ABLIM3: variants seen among roughly 807,000 people sequenced by gnomAD.
The protein encoded by ABLIM3 is actin binding LIM protein family member 3, also known as actin-binding LIM protein 3.
Under a neutral mutation model 109.5 loss-of-function variants are expected in ABLIM3, and 61 were observed. The ratio of observed to expected loss-of-function variants is 0.56; its 90% CI spans 0.45 to 0.69. The LOEUF (loss-of-function observed/expected upper bound fraction) is 0.69, where lower values mean the gene tolerates loss of function less well. Among genes scored for constraint, ABLIM3 ranks in the 30% least tolerant of loss-of-function variants. The pLI is 0.00. For missense variants in ABLIM3, 796 were observed against 889.5 expected (o/e 0.89, Z 1.34); for synonymous variants, 300 against 324.8 (o/e 0.92, Z 0.82).
chr5:149,192,492 A>ACGGGG (rs1052960581), intron 3 of ABLIM3, among the ~76,000 whole-genome samples: 1 of 149,924 alleles, frequency 6.7e-6, no homozygotes, highest in Non-Finnish European at 1.5e-5. Flanking sequence ...CACTCCACCT[A>ACGGGG]CGGGGCGCCT....
At position 149,208,281 on chromosome 5, in the gene ABLIM3, G is replaced by A. The variant is rs1759190365; in HGVS notation, c.575+1147G>A. On this transcript the variant is annotated intron_variant, in intron 6 of 23. Transcript: ENST00000309868. ...CAGAGGCACACTGGCTTCAGACATG[G>A]AGGAATCCAGGGGCTTAAGGATGTC... 2.0e-5 allele frequency among the ~76,000 whole-genome samples: 3 copies of A among 152,208 alleles called. 1 individual carries two copies. The highest frequency in any genetic ancestry group is 4.4e-5 in the Non-Finnish European group (3 of 68,042).
intron 10 of ABLIM3, among the ~76,000 whole-genome samples, chr5:149,236,678 G>A (rs1752225739): frequency 6.6e-6 from 1 of 152,152 alleles, no homozygotes; most frequent in Non-Finnish European, 1.5e-5. Flanking sequence ...CTTTCTGAAT[G>A]CAGCCTTCTG....
At chr5:149,252,365 G>T in intron 22 of ABLIM3, 157 bp downstream of exon 22, 1 of 754,982 alleles carries the variant, frequency 1.3e-6, no homozygotes, top group African/African-American at 1.8e-5. Flanking sequence ...GTCCCTTCTT[G>T]GCCCACTTTT....
intron 7 of ABLIM3, among the ~76,000 whole-genome samples, chr5:149,212,271 C>T (rs1445570579): frequency 6.6e-6 from 1 of 152,052 alleles, no homozygotes; most frequent in Admixed American, 6.5e-5. Context: ...TTAAGCATCT[C>T]GAGAGCTGTA....
At chr5:149,234,265 C>T (rs1762139333) in intron 10 of ABLIM3, among the ~76,000 whole-genome samples, 1 of 152,150 alleles carries the variant, frequency 6.6e-6, no homozygotes, top group Admixed American at 6.5e-5. Flanking sequence ...AGGTGGGAAA[C>T]GCAGAGCCAG....
chr5:149,197,569 TA>T (rs776784937), intron 3 of ABLIM3, among the ~76,000 whole-genome samples: 8 of 152,142 alleles, frequency 5.3e-5, no homozygotes, highest in Non-Finnish European at 1.2e-4. Context: ...CCCCACTCCT[TA>T]TGGCTATGGT....
intron 3 of ABLIM3, among the ~76,000 whole-genome samples, chr5:149,186,338 C>T (rs543587302): frequency 2.0e-4 from 31 of 152,022 alleles, no homozygotes; most frequent in African/African-American, 5.1e-4. Context: ...CGCTTGAAGC[C>T]GGGAGGTGGA....
chr5:149,242,181 T>C (rs1328534592), intron 14 of ABLIM3, among the ~76,000 whole-genome samples: 1 of 152,168 alleles, frequency 6.6e-6, no homozygotes, highest in Non-Finnish European at 1.5e-5. Context: ...CCTTCCTGCA[T>C]GGGGCTCTGC....
intron 23 of ABLIM3, among the ~76,000 whole-genome samples, chr5:149,257,276 G>A (rs916281604): frequency 6.6e-6 from 1 of 151,196 alleles, no homozygotes; most frequent in African/African-American, 2.4e-5. Flanking sequence ...CTGCAGCCTG[G>A]GTGACAAAGC....
At chr5:149,150,621 C>G (rs1753342911) in intron 2 of ABLIM3, among the ~76,000 whole-genome samples, 1 of 152,224 alleles carries the variant, frequency 6.6e-6, no homozygotes, top group South Asian at 2.1e-4. Flanking sequence ...CTTTATCTTG[C>G]TGAGATAGCA....
chr5:149,230,180 A>G (rs1332055748), intron 8 of ABLIM3, among the ~76,000 whole-genome samples: 1 of 152,180 alleles, frequency 6.6e-6, no homozygotes, highest in Non-Finnish European at 1.5e-5. Flanking sequence ...TCACCCCACA[A>G]ACATGTACGG....
chr5:149,186,634 A>C (rs995005870), intron 3 of ABLIM3, among the ~76,000 whole-genome samples: 1 of 152,172 alleles, frequency 6.6e-6, no homozygotes, highest in African/African-American at 2.4e-5. Flanking sequence ...GAGGAACTCA[A>C]CTTTATTCCA....
chr5:149,166,268 A>T (rs1754815969), intron 2 of ABLIM3, among the ~76,000 whole-genome samples: 1 of 152,016 alleles, frequency 6.6e-6, no homozygotes, highest in African/African-American at 2.4e-5. Context: ...TGCATGACCT[A>T]CCCTTGAGCA....
intron 3 of ABLIM3, among the ~76,000 whole-genome samples, chr5:149,195,019 C>T (rs1205381732): frequency 6.6e-6 from 1 of 152,150 alleles, no homozygotes; most frequent in Non-Finnish European, 1.5e-5. Flanking sequence ...CCCTCAGGGG[C>T]CCTTCTAACT....
At chr5:149,239,156 C>A in intron 11 of ABLIM3, 92 bp from the exon 12 acceptor site, 1 of 1,291,316 alleles carries the variant, frequency 7.7e-7, no homozygotes, top group Non-Finnish European at 1.1e-6. Flanking sequence ...CCCTCTCTGC[C>A]GAGCCATCTA....
In ABLIM3 at chr5:149,230,765, G is replaced by A. The variant is rs1761777106; in HGVS notation, c.816+58G>A. 11 of 1,584,626 alleles carry A rather than the reference G, an allele frequency of 6.9e-6. No homozygotes were observed. The East Asian group carries it at 2.5e-4, about 35-fold the overall frequency. On this transcript the variant is annotated intron_variant, in intron 9 of 23. Coordinates refer to ENST00000309868, the MANE Select transcript of ABLIM3 (RefSeq NM_014945.5). ...CCTGCTTTGCTACTTTCTGCCACAG[G>A]CTAAGGGAGCTGTGCTTTGGGACAG...
chr5:149,230,852 C>T (rs537226153), intron 9 of ABLIM3, 145 bp downstream of exon 9: 35 of 894,916 alleles, frequency 3.9e-5, no homozygotes, highest in East Asian at 3.7e-4. Flanking sequence ...ATTTTCCTAA[C>T]GGTAACACCT....
At chr5:149,215,307 C>G (rs1004913517) in intron 7 of ABLIM3, among the ~76,000 whole-genome samples, 1 of 152,174 alleles carries the variant, frequency 6.6e-6, no homozygotes, top group Non-Finnish European at 1.5e-5. Context: ...ATAGCAGGCT[C>G]CTTCCAAAGT....
chr5:149,167,183 A>G (rs931834871), intron 2 of ABLIM3, among the ~76,000 whole-genome samples: 4 of 152,116 alleles, frequency 2.6e-5, no homozygotes, highest in South Asian at 2.1e-4. Flanking sequence ...AGATAATACT[A>G]TTTGCATAAT....
Sources: allele counts gnomAD v4.1 joint callset (sites outside exome capture counted in the v4.1 genomes callset), GRCh38; gene constraint gnomAD v4.1.1; transcripts MANE v1.5; gene names NCBI Gene and HGNC (gene_info 2026-07-23, HGNC 2026-07-21).